The following RAB11FIP5 variants were observed in gnomAD, a reference collection of about 807,000 sequenced individuals.
The protein encoded by RAB11FIP5 is rab11 family-interacting protein 5.
In RAB11FIP5, 48 loss-of-function variants were observed where a neutral mutation model predicts 85.1. The observed-to-expected ratio is 0.56, with a 90% CI of 0.45 to 0.72. RAB11FIP5 has a LOEUF of 0.72. Among genes scored for constraint, RAB11FIP5 ranks in the 30% least tolerant of loss-of-function variants. The pLI, the probability that RAB11FIP5 is intolerant of heterozygous loss-of-function variation, is 0.00. For missense variants in RAB11FIP5, 1,491 were observed against 1,687.0 expected (o/e 0.88, Z 2.04); for synonymous variants, 729 against 727.3 (o/e 1.00, Z -0.04).
chr2:73,106,916 G>C lies in RAB11FIP5; in HGVS notation c.431+5431C>G, dbSNP rs549602366. On this transcript the variant is annotated intron_variant, in intron 1 of 5. Transcript: ENST00000486777. ...TGTGATACCCCCTCCCCACCCTGCA[G>C]CTTCTCGGAGGTGCTGGCTGCCCCT... Among the ~76,000 whole-genome samples the C allele has an allele frequency of 8.4e-4, 128 of 152,262 alleles. No homozygotes were observed. In the South Asian group the frequency reaches 0.011, roughly 13 times the overall value.
At position 73,080,453 on chromosome 2, in the gene RAB11FIP5, TACTC is replaced by T. The variant is rs763766373; in HGVS notation, c.2775_2778del (p.Ser926ThrfsTer52). 8.1e-7 allele frequency: 1 copy of T among 1,233,712 alleles called. No individual in the cohort carries two copies. Among genetic ancestry groups the T allele is most frequent in the Non-Finnish European group, 1.0e-6 (1 of 988,860 alleles). The allele number at this position is 1,233,712 out of a possible 1,614,324, so 76.4% of individuals were successfully genotyped here. A position where few individuals can be genotyped will look rare whatever the true frequency, so the allele number is the denominator to read the frequency against. Reference sequence around the variant, plus strand: ...TCTCCCTCTGTCTCCGGCCCCCTGTTACTCAGCCCCACTGCGGCCTTCTCCTCCT... The same window carrying T: ...TCTCCCTCTGTCTCCGGCCCCCTGTTAGCCCCACTGCGGCCTTCTCCTCCT... On this transcript the variant is annotated frameshift_variant, in exon 4 of 6. Transcript: ENST00000486777. LOFTEE classifies it high-confidence loss of function.
chr2:73,108,777 C>T (rs1284829827), intron 1 of RAB11FIP5, among the ~76,000 whole-genome samples: 1 of 152,250 alleles, frequency 6.6e-6, no homozygotes, highest in Non-Finnish European at 1.5e-5. Flanking sequence ...GGCGTGGTGG[C>T]TCATGCCTGT....
chr2:73,078,904 T>A lies in RAB11FIP5; in HGVS notation c.3581+747A>T, dbSNP rs142633654. Among the ~76,000 whole-genome samples, 3 of 152,246 alleles carry A rather than the reference T, an allele frequency of 2.0e-5. No individual in the cohort carries two copies. Among genetic ancestry groups the A allele is most frequent in the Non-Finnish European group, 4.4e-5 (3 of 67,996 alleles). On this transcript the variant is annotated intron_variant, in intron 4 of 5. Coordinates refer to ENST00000486777, the MANE Select transcript of RAB11FIP5 (RefSeq NM_001371272.1). This position sits in a 1 kb window ranked among gnomAD's most constrained non-coding sequence, Gnocchi z 4.4. The stretch of plus-strand genomic sequence containing the variant: ...ACCTGGTGAGGTCACAGCTTCATAA[T>A]TCTTCCAAACCTCCCAATGCCACAG...
At position 73,078,345 on chromosome 2, in the gene RAB11FIP5, T is replaced by C. The variant is rs528290369; in HGVS notation, c.3581+1306A>G. 6.6e-6 allele frequency among the ~76,000 whole-genome samples: 1 copy of C among 152,294 alleles called. No homozygotes were observed. Among genetic ancestry groups the C allele is most frequent in the South Asian group, 2.1e-4 (1 of 4,830 alleles). ...AGAAGGAACAAGCCCAGTACAGACA[T>C]GAAGCCAACTCTGGGACGAATAAAA... On this transcript the variant is annotated intron_variant, in intron 4 of 5. Coordinates refer to ENST00000486777, the MANE Select transcript of RAB11FIP5 (RefSeq NM_001371272.1). This position sits in a 1 kb window ranked among gnomAD's most constrained non-coding sequence, Gnocchi z 4.4.
At chr2:73,109,702 T>C (rs1343148425) in intron 1 of RAB11FIP5, among the ~76,000 whole-genome samples, 4 of 152,146 alleles carry the variant, frequency 2.6e-5, no homozygotes, top group South Asian at 2.1e-4. Flanking sequence ...TTGCAGCAAA[T>C]AGAATACAGA....
rs533943843 is a variant in RAB11FIP5, at chr2:73,089,351, G to A, written c.432-36C>T. 58 of 1,604,960 alleles carry A rather than the reference G, an allele frequency of 3.6e-5. No individual in the cohort carries two copies. In the South Asian group the frequency reaches 3.8e-4, roughly 11 times the overall value. On this transcript the variant is annotated intron_variant, in intron 1 of 5. Transcript: ENST00000486777. The surrounding 1 kb of genome is among the most constrained non-coding windows in gnomAD (Gnocchi z 4.6). ...AGGGGAGCAGGCAGAACTCAGTCAC[G>A]GGCCCAGGGAGCCTGGCTCCCGCCC... is the stretch of plus-strand genomic sequence containing the variant.
In RAB11FIP5 at chr2:73,075,763, G is replaced by GGTCT. The variant is rs1553531606; in HGVS notation, c.3772-40_3772-39insAGAC. The GGTCT allele has an allele frequency of 1.7e-4, 254 of 1,510,378 alleles. 1 individual carries two copies. The East Asian group carries it at 6.1e-3, about 36-fold the overall frequency. The allele number at this position is 1,510,378 out of a possible 1,614,324, so 93.6% of individuals were successfully genotyped here. A position where few individuals can be genotyped will look rare whatever the true frequency, so the allele number is the denominator to read the frequency against. On this transcript the variant is annotated intron_variant, in intron 5 of 5. Transcript: ENST00000486777. This position sits in a 1 kb window ranked among gnomAD's most constrained non-coding sequence, Gnocchi z 4.6. ...GAAGACAGTGAGCAGGGCAGCCCTA[G>GGTCT]GCCTGCCTGCCTGCCTGCCCGCTTG... is the stretch of plus-strand genomic sequence containing the variant.
chr2:73,105,475 T>G (rs1260429108), intron 1 of RAB11FIP5, among the ~76,000 whole-genome samples: 1 of 151,936 alleles, frequency 6.6e-6, no homozygotes, highest in African/African-American at 2.4e-5. Flanking sequence ...ACTCTTGGCC[T>G]CCAGTGATCC....
rs1182340207 is a variant in RAB11FIP5 at position 73,079,707 on chromosome 2, C to T, written c.3525G>A (p.Pro1175=). ...EDLAAATPAS[P]LVLLPLETRP... ...GTGTCTCCAAGGGCAGAAGCACAAG[C>T]GGGGAGGCTGGGGTGGCTGCAGCGA... The change falls in exon 4 of 6, where the codon CCG becomes CCA. Residue 1175 remains proline, a synonymous_variant. Transcript: ENST00000486777. The T allele has an allele frequency of 4.9e-6, 6 of 1,233,318 alleles. No individual in the cohort carries two copies. Among genetic ancestry groups the T allele is most frequent in the Admixed American group, 4.2e-5 (1 of 23,700 alleles). The allele number at this position is 1,233,318 out of a possible 1,614,324, so 76.4% of individuals were successfully genotyped here.
rs952929021 is a variant in RAB11FIP5 at position 73,074,388 on chromosome 2, C to G, written c.*1133G>C. ...CAGCAGTGTTTATCCTGGGATCCTC[C>G]TATTGGGGTTGAGGGAGGGGAAGAC... On this transcript the variant is annotated 3_prime_UTR_variant, in exon 6 of 6. Transcript: ENST00000486777. 1 of 152,542 alleles carries G rather than the reference C, an allele frequency of 6.6e-6. No homozygotes were observed. Among genetic ancestry groups the G allele is most frequent in the Non-Finnish European group, 1.5e-5 (1 of 68,286 alleles). 9.4% of individuals were successfully genotyped at this position (152,542 alleles called of 1,614,324 possible).
chr2:73,112,487 G>C lies in RAB11FIP5; in HGVS notation c.291C>G (p.Pro97=). The C allele has an allele frequency of 6.7e-7, 1 of 1,486,474 alleles. No homozygotes were observed. Among genetic ancestry groups the C allele is most frequent in the Non-Finnish European group, 8.9e-7 (1 of 1,123,078 alleles). The allele number at this position is 1,486,474 out of a possible 1,614,324, so 92.1% of individuals were successfully genotyped here. A position where few individuals can be genotyped will look rare whatever the true frequency, so the allele number is the denominator to read the frequency against. ...RAQEADAGPA[P]WAASSAAACE... ...AGGCGGCGGCGGAGCTCGCGGCCCAGGGCGCCGGGCCCGCGTCGGCCTCCT... is the reference window on the plus strand; with the variant it reads ...AGGCGGCGGCGGAGCTCGCGGCCCACGGCGCCGGGCCCGCGTCGGCCTCCT... The change falls in exon 1 of 6, where the codon CCC becomes CCG. Residue 97 remains proline, a synonymous_variant. Coordinates refer to ENST00000486777, the MANE Select transcript of RAB11FIP5 (RefSeq NM_001371272.1).
Position 73,081,219 on chromosome 2 carries a change from A to G in RAB11FIP5, c.2013T>C (p.Pro671=). ...RPEARSEILA[P]AGVGLEAAGL... ...CTGCCGCCTCCAGCCCCACTCCTGC[A>G]GGGGCCAGGATCTCGCTCCTGGCCT... The change falls in exon 4 of 6, where the codon CCT becomes CCC. Residue 671 remains proline (P), a synonymous_variant. Transcript: ENST00000486777. This position sits in a 1 kb window ranked among gnomAD's most constrained non-coding sequence, Gnocchi z 4.2. 1 of 1,232,296 alleles carries G rather than the reference A, an allele frequency of 8.1e-7. No individual in the cohort carries two copies. Among genetic ancestry groups the G allele is most frequent in the Non-Finnish European group, 1.0e-6 (1 of 988,174 alleles). The allele number at this position is 1,232,296 out of a possible 1,614,324, so 76.3% of individuals were successfully genotyped here.
At chr2:73,088,802 G>T in intron 2 of RAB11FIP5, 53 bp from the exon 3 acceptor site, 20 of 1,534,678 alleles carry the variant, frequency 1.3e-5, no homozygotes, top group Non-Finnish European at 1.7e-5. Flanking sequence ...CCCATTTCCT[G>T]GCCCCAGGCC....
chr2:73,098,142 A>C (rs1170486355), intron 1 of RAB11FIP5, among the ~76,000 whole-genome samples: 1 of 152,134 alleles, frequency 6.6e-6, no homozygotes, highest in Admixed American at 6.5e-5. Flanking sequence ...GTGTGACCTC[A>C]TATCTATGCC....
rs755394788 is a variant in RAB11FIP5, at chr2:73,076,181, G to A, written c.3583C>T (p.Pro1195Ser). The change falls in exon 5 of 6, where the codon CCC (proline) becomes TCC (serine). Residue 1195 changes from proline to serine, a missense_variant and splice_region_variant. Coordinates refer to ENST00000486777, the MANE Select transcript of RAB11FIP5 (RefSeq NM_001371272.1). ...PAEEPQPSAS[P>S]HPVKPLSAAP... ...GCACTGAGGGGCTTCACGGGGTGGG[G>A]ACTGCAAAGACATACAAGAGATGGG... 107 of 1,601,594 alleles carry A rather than the reference G, an allele frequency of 6.7e-5. No homozygotes were observed. Among genetic ancestry groups the A allele is most frequent in the Non-Finnish European group, 8.8e-5 (103 of 1,170,368 alleles).
chr2:73,080,846 T>C lies in RAB11FIP5; in HGVS notation c.2386A>G (p.Ser796Gly), dbSNP rs1171428415. ...GGGCCCGGCAGCCTCTCCCACACAC[T>C]GATCACTTCTGGGGAGCTAAATAGA... is the stretch of plus-strand genomic sequence containing the variant. ...TSLFSSPEVI[S>G]VWERLPGPES... Residue 796 changes from serine to glycine, a missense_variant, in exon 4 of 6, where the codon AGT (serine) becomes GGT (glycine). Ser to Gly is a moderately conservative substitution (Grantham distance 56). This residue lies in a region of RAB11FIP5 where 1,211 missense variants were observed against 1,338.0 expected (regional missense o/e 0.91). Transcript: ENST00000486777. The C allele has an allele frequency of 8.1e-7, 1 of 1,232,446 alleles. No individual in the cohort carries two copies. Among genetic ancestry groups the C allele is most frequent in the Non-Finnish European group, 1.0e-6 (1 of 988,172 alleles). 76.3% of individuals were successfully genotyped at this position (1,232,446 alleles called of 1,614,324 possible).
chr2:73,089,529 T>G lies in RAB11FIP5; in HGVS notation c.432-214A>C. 1.5e-6 allele frequency: 1 copy of G among 645,894 alleles called. No individual in the cohort carries two copies. Among genetic ancestry groups the G allele is most frequent in the Non-Finnish European group, 2.8e-6 (1 of 357,978 alleles). The allele number at this position is 645,894 out of a possible 1,614,324, so 40.0% of individuals were successfully genotyped here. A position where few individuals can be genotyped will look rare whatever the true frequency, so the allele number is the denominator to read the frequency against. On this transcript the variant is annotated intron_variant, in intron 1 of 5. Coordinates refer to ENST00000486777, the MANE Select transcript of RAB11FIP5 (RefSeq NM_001371272.1). This position sits in a 1 kb window ranked among gnomAD's most constrained non-coding sequence, Gnocchi z 4.6. ...CATTTCCATGATGGAGAAAACCACA[T>G]CCTGAGTGGGGAAGCTCCTCGGGTG...
rs968202152 is a variant in RAB11FIP5 at position 73,081,029 on chromosome 2, C to A, written c.2203G>T (p.Ala735Ser). 1.5e-5 allele frequency: 19 copies of A among 1,232,566 alleles called. No homozygotes were observed. Among genetic ancestry groups the A allele is most frequent in the Non-Finnish European group, 1.8e-5 (18 of 988,266 alleles). The allele number at this position is 1,232,566 out of a possible 1,614,324, so 76.4% of individuals were successfully genotyped here. ...AGGAGCCCTGGGTCAGCCGCGCTCG[C>A]GCTCTGGTGGTTCGGTCCCAAGTCC... ...PLDLGPNHQS[A>S]SAADPGLLGS... is the part of the protein sequence containing the mutation. The change falls in exon 4 of 6, where the codon GCG (alanine) becomes TCG (serine). Residue 735 changes from alanine (A) to serine (S), a missense_variant. Coordinates refer to ENST00000486777, the MANE Select transcript of RAB11FIP5 (RefSeq NM_001371272.1). This position sits in a 1 kb window ranked among gnomAD's most constrained non-coding sequence, Gnocchi z 4.2.
In RAB11FIP5 at chr2:73,080,175, C is replaced by A; in HGVS notation, c.3057G>T (p.Trp1019Cys). ...GGCCTTCTCCAACCTCTGGAGTCCC[C>A]CAGATGTGCTGACTCTGAAGAGCCA... ...KSLALQSQHIWGTPEVGEGPE... is the reference protein window; with the variant it reads ...KSLALQSQHICGTPEVGEGPE... Residue 1019 changes from tryptophan (W) to cysteine (C), a missense_variant, in exon 4 of 6, where the codon TGG becomes TGT. Transcript: ENST00000486777. 8.1e-7 allele frequency: 1 copy of A among 1,232,196 alleles called. No homozygotes were observed. The highest frequency in any genetic ancestry group is 1.0e-6 in the Non-Finnish European group (1 of 988,082). 76.3% of individuals were successfully genotyped at this position (1,232,196 alleles called of 1,614,324 possible). A position where few individuals can be genotyped will look rare whatever the true frequency, so the allele number is the denominator to read the frequency against.
Sources: gnomAD v4.1 joint callset for allele counts (sites outside exome capture counted in the v4.1 genomes callset) on GRCh38, gnomAD v4.1.1 for gene constraint, gnomAD v4.1.1 regional missense constraint, Gnocchi (gnomAD v3.1) non-coding constraint, MANE v1.5 for transcripts, NCBI Gene and HGNC (gene_info 2026-07-23, HGNC 2026-07-21) for gene names.